The following CACNA2D3 variants were observed in gnomAD, a reference collection of about 807,000 sequenced individuals.
The protein encoded by CACNA2D3 is calcium voltage-gated channel auxiliary subunit alpha2delta 3, also known as voltage-dependent calcium channel subunit alpha-2/delta-3.
A neutral mutation model predicts 160.6 loss-of-function variants in CACNA2D3; 60 were observed. That is an observed-to-expected ratio of 0.37 (90% CI 0.30 to 0.46). CACNA2D3 has a LOEUF of 0.46. Among genes scored for constraint, CACNA2D3 ranks in the 20% least tolerant of loss-of-function variants. The pLI is 1.00. For missense variants in CACNA2D3, 1,205 were observed against 1,365.0 expected (o/e 0.88, Z 1.85); for synonymous variants, 558 against 492.9 (o/e 1.13, Z -1.75).
intron 11 of CACNA2D3, among the ~76,000 whole-genome samples, chr3:54,654,856 G>A (rs772008502): frequency 6.6e-6 from 1 of 152,198 alleles, no homozygotes; most frequent in Non-Finnish European, 1.5e-5. Flanking sequence ...GGATGAAGGC[G>A]TTGGGAATGA....
intron 2 of CACNA2D3, among the ~76,000 whole-genome samples, chr3:54,315,298 C>G (rs1703835102): frequency 6.6e-6 from 1 of 152,168 alleles, no homozygotes; most frequent in South Asian, 2.1e-4. Flanking sequence ...AAGCTCACCC[C>G]GCAGAGGCCC....
chr3:54,741,814 A>AT lies in CACNA2D3; in HGVS notation c.1168-10778dup, dbSNP rs199625012. ...GAGATAATTGTCCTGCCTTGTTCCT[A>AT]TTTTTTTAGGAGAGTTTTTGGATAT... is the stretch of plus-strand genomic sequence containing the variant. On this transcript the variant is annotated intron_variant, in intron 11 of 37. Transcript: ENST00000474759. 7.4e-3 allele frequency among the ~76,000 whole-genome samples: 1,118 copies of AT among 151,618 alleles called. 12 individuals are homozygous for AT. Among genetic ancestry groups the AT allele is most frequent in the African/African-American group, 0.025 (1,031 of 41,350 alleles).
At chr3:54,755,984 A>G (rs1336176960) in intron 12 of CACNA2D3, among the ~76,000 whole-genome samples, 1 of 152,144 alleles carries the variant, frequency 6.6e-6, no homozygotes, top group African/African-American at 2.4e-5. Flanking sequence ...TTACACCATA[A>G]TTTAGTTTTA....
intron 14 of CACNA2D3, among the ~76,000 whole-genome samples, chr3:54,821,634 G>GTCTTTCGT (rs1430263941): frequency 7.1e-6 from 1 of 140,396 alleles, no homozygotes; most frequent in African/African-American, 2.6e-5. Flanking sequence ...TTTTTCTAGA[G>GTCTTTCGT]TCTTTCGTTC....
chr3:54,468,585 C>T (rs965640276), intron 4 of CACNA2D3, among the ~76,000 whole-genome samples: 5 of 152,136 alleles, frequency 3.3e-5, no homozygotes, highest in Admixed American at 3.3e-4. Flanking sequence ...AGAACCGTTT[C>T]CCCCCTCTGG....
rs138682168 is a variant in CACNA2D3 at position 54,360,814 on chromosome 3, C to G, written c.322-25901C>G. 3.8e-3 allele frequency among the ~76,000 whole-genome samples: 577 copies of G among 152,214 alleles called. 5 individuals carry two copies. Among genetic ancestry groups the G allele is most frequent in the East Asian group, 8.3e-3 (43 of 5,176 alleles). ...CCCTGAAAAGTAGAGAGGGGCCATT[C>G]AACCCCATCACTCCCAGAAGACAGA... On this transcript the variant is annotated intron_variant, in intron 3 of 37. Transcript: ENST00000474759.
chr3:54,741,821 T>G (rs1375107941), intron 11 of CACNA2D3, among the ~76,000 whole-genome samples: 3 of 152,064 alleles, frequency 2.0e-5, no homozygotes, highest in African/African-American at 7.2e-5. Flanking sequence ...CCTATTTTTT[T>G]AGGAGAGTTT....
intron 5 of CACNA2D3, among the ~76,000 whole-genome samples, chr3:54,546,089 T>C (rs1040675925): frequency 6.6e-5 from 10 of 152,130 alleles, no homozygotes; most frequent in Non-Finnish European, 8.8e-5. Flanking sequence ...GTAAGTGCTA[T>C]GGCAATTTTG....
intron 5 of CACNA2D3, among the ~76,000 whole-genome samples, chr3:54,518,500 C>T (rs749641778): frequency 6.6e-6 from 1 of 152,208 alleles, no homozygotes; most frequent in African/African-American, 2.4e-5. Context: ...ATGCACCCAG[C>T]ACCTGTGTGA....
chr3:54,550,026 C>A (rs186394987), intron 5 of CACNA2D3, among the ~76,000 whole-genome samples: 4 of 152,160 alleles, frequency 2.6e-5, no homozygotes, highest in Admixed American at 1.3e-4. Flanking sequence ...TGGGTGTTGT[C>A]CTTTATTGTA....
At chr3:54,903,339 G>A (rs1241885478) in intron 27 of CACNA2D3, among the ~76,000 whole-genome samples, 1 of 152,188 alleles carries the variant, frequency 6.6e-6, no homozygotes, top group Non-Finnish European at 1.5e-5. Flanking sequence ...AGTTTGCTAA[G>A]GATAATGGCC....
intron 2 of CACNA2D3, among the ~76,000 whole-genome samples, chr3:54,197,827 G>T (rs1468735995): frequency 6.6e-6 from 1 of 152,040 alleles, no homozygotes; most frequent in African/African-American, 2.4e-5. Context: ...TTGGTTTTCT[G>T]CACGTTCTTT....
intron 9 of CACNA2D3, among the ~76,000 whole-genome samples, chr3:54,599,033 A>G (rs1029546187): frequency 6.6e-5 from 10 of 152,192 alleles, no homozygotes; most frequent in African/African-American, 2.4e-4. Context: ...AGAAAATGCA[A>G]CTAGCAAGAG....
intron 4 of CACNA2D3, among the ~76,000 whole-genome samples, chr3:54,487,203 CA>C (rs1180666367): frequency 6.6e-6 from 1 of 151,900 alleles, no homozygotes; most frequent in African/African-American, 2.4e-5. Context: ...CCCATCTTTA[CA>C]AAAAATGAAT....
At chr3:54,513,424 A>G (rs1273640656) in intron 5 of CACNA2D3, among the ~76,000 whole-genome samples, 1 of 152,136 alleles carries the variant, frequency 6.6e-6, no homozygotes, top group South Asian at 2.1e-4. Flanking sequence ...CAGGCATAAT[A>G]TGATCTCATA....
intron 2 of CACNA2D3, among the ~76,000 whole-genome samples, chr3:54,166,688 A>G (rs1228193127): frequency 2.0e-5 from 3 of 152,206 alleles, no homozygotes; most frequent in African/African-American, 7.2e-5. Context: ...TGCTTCATTT[A>G]TAGGAGATGA....
At chr3:54,493,563 C>T (rs975893624) in intron 4 of CACNA2D3, among the ~76,000 whole-genome samples, 7 of 152,168 alleles carry the variant, frequency 4.6e-5, no homozygotes, top group African/African-American at 1.7e-4. Flanking sequence ...CTATTCCCTT[C>T]CCTAGTTACC....
intron 2 of CACNA2D3, among the ~76,000 whole-genome samples, chr3:54,198,329 A>C (rs769529823): frequency 2.0e-5 from 3 of 152,212 alleles, no homozygotes; most frequent in Non-Finnish European, 4.4e-5. Flanking sequence ...TTCTAAGGGC[A>C]GTTTCATGTA....
intron 2 of CACNA2D3, among the ~76,000 whole-genome samples, chr3:54,133,382 T>C (rs1436445004): frequency 6.6e-6 from 1 of 152,152 alleles, no homozygotes; most frequent in East Asian, 1.9e-4. Flanking sequence ...TGAGTCCGCA[T>C]CATGTGAATC....
Sources: allele counts gnomAD v4.1 joint callset (sites outside exome capture counted in the v4.1 genomes callset), GRCh38; gene constraint gnomAD v4.1.1; transcripts MANE v1.5; gene names NCBI Gene and HGNC (gene_info 2026-07-23, HGNC 2026-07-21).